Variants in KDM3B observed in about 807,000 individuals in gnomAD.
KDM3B encodes the protein lysine demethylase 3B.
A neutral mutation model predicts 170.0 loss-of-function variants in KDM3B; 10 were observed. The observed-to-expected ratio is 0.06, with a 90% confidence interval of 0.04 to 0.10. The LOEUF is 0.10. Ranked by LOEUF, KDM3B falls within the 10% of genes least tolerant of loss-of-function variation. The probability of loss-of-function intolerance (pLI) is 1.00; values close to 1 mark genes in which losing one functional copy is unlikely to be tolerated. For synonymous variants in KDM3B, 831 were observed against 834.8 expected, an observed-to-expected ratio of 1.00 and a Z score of 0.08; for missense variants, 1,394 against 2,195.2, an observed-to-expected ratio of 0.64 and a Z score of 7.29.
intron 14 of KDM3B, 22 bp downstream of exon 14, chr5:138,419,254 G>A (rs367666162): frequency 1.0e-5 from 16 of 1,605,908 alleles, no homozygotes; most frequent in South Asian, 5.5e-5. Flanking sequence ...ACAAACCTCT[G>A]CTCTGCCTAT....
intron 2 of KDM3B, among the ~76,000 whole-genome samples, chr5:138,374,045 G>T (rs1028206262): frequency 6.6e-5 from 10 of 152,198 alleles, no homozygotes; most frequent in African/African-American, 2.4e-4. Flanking sequence ...CCAGGCTGGA[G>T]TGCAGTGGCA....
In KDM3B at chr5:138,417,492, A is replaced by G. The variant is rs762314650; in HGVS notation, c.3317A>G (p.Asn1106Ser). The G allele has an allele frequency of 6.2e-6, 10 of 1,613,996 alleles. No homozygotes were observed. Among genetic ancestry groups the G allele is most frequent in the South Asian group, 1.1e-5 (1 of 91,084 alleles). ...TACATTTTTTTCCCAGCTCTTTACAATATTGGAGACATGGTACATGCTGCC... is the reference window on the plus strand; with the variant it reads ...TACATTTTTTTCCCAGCTCTTTACAGTATTGGAGACATGGTACATGCTGCC... ...TQIIPGTALY[N>S]IGDMVHAARG... Residue 1106 changes from asparagine (N) to serine (S), a missense_variant, in exon 13 of 24, where the codon AAT (asparagine) becomes AGT (serine). This residue lies in a region of KDM3B where 44 missense variants were observed against 71.1 expected (regional missense o/e 0.62). Coordinates refer to ENST00000314358, the MANE Select transcript of KDM3B (RefSeq NM_016604.4).
intron 11 of KDM3B, among the ~76,000 whole-genome samples, chr5:138,405,587 T>A (rs1162138082): frequency 6.6e-6 from 1 of 151,744 alleles, no homozygotes; most frequent in African/African-American, 2.4e-5. Context: ...CACCAGCAGA[T>A]CCACACGATA....
chr5:138,377,700 T>A lies in KDM3B; in HGVS notation c.475-20T>A. 2 of 1,554,978 alleles carry A rather than the reference T, an allele frequency of 1.3e-6. No homozygotes were observed. Among genetic ancestry groups the A allele is most frequent in the Non-Finnish European group, 1.8e-6 (2 of 1,127,570 alleles). On this transcript the variant is annotated intron_variant, in intron 3 of 23. Coordinates refer to ENST00000314358, the MANE Select transcript of KDM3B (RefSeq NM_016604.4). ...TATTCATTTTAACATTCAGTTGTTT[T>A]CTTCTTTTATCTTTACCAGATGGGA...
In KDM3B at chr5:138,357,786, A is replaced by C. The variant is rs1407195338; in HGVS notation, c.192+4799A>C. Among the ~76,000 whole-genome samples, 77 of 148,708 alleles carry C rather than the reference A, an allele frequency of 5.2e-4. 1 individual carries two copies. The highest frequency in any genetic ancestry group is 8.7e-4 in the Admixed American group (13 of 14,984). ...CCAGGCTGGAGTGCAGTGGCGCGAT[A>C]TTGGCTCACTGCAACCTCTGCTTCC... On this transcript the variant is annotated intron_variant, in intron 1 of 23. Transcript: ENST00000314358.
Position 138,415,084 on chromosome 5 carries a change from T to C in KDM3B, c.3200-48T>C, listed in dbSNP as rs781635276. 3.9e-6 allele frequency: 5 copies of C among 1,296,648 alleles called. No homozygotes were observed. The South Asian group carries it at 6.7e-5, about 17-fold the overall frequency. 80.3% of individuals were successfully genotyped at this position (1,296,648 alleles called of 1,614,324 possible). A position where few individuals can be genotyped will look rare whatever the true frequency, so the allele number is the denominator to read the frequency against. On this transcript the variant is annotated intron_variant, in intron 11 of 23. Coordinates refer to ENST00000314358, the MANE Select transcript of KDM3B (RefSeq NM_016604.4). Reference sequence around the variant, plus strand: ...CTGAAACTCCATTCACTGAGAAGGATCCATTTTTGTGACCCTTATAAAATA... The same window carrying C: ...CTGAAACTCCATTCACTGAGAAGGACCCATTTTTGTGACCCTTATAAAATA...
intron 12 of KDM3B, among the ~76,000 whole-genome samples, chr5:138,417,126 T>A (rs1322996616): frequency 2.6e-5 from 4 of 152,214 alleles, no homozygotes; most frequent in African/African-American, 9.6e-5. Flanking sequence ...TGGCCAATAT[T>A]TATACTCTTG....
At chr5:138,416,648 C>T (rs1488325749) in intron 12 of KDM3B, among the ~76,000 whole-genome samples, 1 of 151,274 alleles carries the variant, frequency 6.6e-6, no homozygotes, top group Non-Finnish European at 1.5e-5. Flanking sequence ...CTGGAGCATC[C>T]CCTGGATCCC....
intron 17 of KDM3B, 42 bp from the exon 18 acceptor site, chr5:138,426,933 C>A: frequency 6.7e-7 from 1 of 1,485,922 alleles, no homozygotes; most frequent in Non-Finnish European, 9.4e-7. Flanking sequence ...CGGACACCAG[C>A]CAAACCAGCA....
intron 11 of KDM3B, among the ~76,000 whole-genome samples, chr5:138,407,718 C>G: frequency 6.6e-6 from 1 of 152,164 alleles, no homozygotes; most frequent in East Asian, 1.9e-4. Context: ...GCAGACAGAA[C>G]CACACATGGA....
At chr5:138,361,007 A>C (rs1761594419) in intron 1 of KDM3B, among the ~76,000 whole-genome samples, 1 of 151,974 alleles carries the variant, frequency 6.6e-6, no homozygotes, top group South Asian at 2.1e-4. Context: ...CTTGTAGTTT[A>C]TTTATTTAGT....
At chr5:138,426,907 A>C in intron 17 of KDM3B, 68 bp from the exon 18 acceptor site, 2 of 1,138,006 alleles carry the variant, frequency 1.8e-6, no homozygotes, top group Admixed American at 3.6e-5. Flanking sequence ...GTCTCCCAAA[A>C]GTTACTGTTG....
chr5:138,406,543 A>T (rs1380747686), intron 11 of KDM3B, among the ~76,000 whole-genome samples: 4 of 152,176 alleles, frequency 2.6e-5, no homozygotes, highest in African/African-American at 9.7e-5. Context: ...GCTACTCAGG[A>T]GGCTGAGGCA....
At chr5:138,403,330 G>T (rs1320006457) in intron 11 of KDM3B, among the ~76,000 whole-genome samples, 3 of 151,820 alleles carry the variant, frequency 2.0e-5, no homozygotes, top group Admixed American at 2.0e-4. Flanking sequence ...GTAAGCTGAG[G>T]AGGGATAATC....
intron 11 of KDM3B, among the ~76,000 whole-genome samples, chr5:138,404,033 A>G (rs80266192): frequency 2.6e-5 from 4 of 152,104 alleles, no homozygotes; most frequent in Non-Finnish European, 5.9e-5. Flanking sequence ...GAAAAAAAAA[A>G]GACTAAACTT....
intron 1 of KDM3B, among the ~76,000 whole-genome samples, chr5:138,356,904 A>C (rs977725970): frequency 2.0e-5 from 3 of 152,112 alleles, no homozygotes; most frequent in Admixed American, 2.0e-4. Flanking sequence ...GCGACCTCCC[A>C]AAGTGCTGGG....
intron 15 of KDM3B, among the ~76,000 whole-genome samples, chr5:138,422,596 C>T (rs973402043): frequency 4.6e-5 from 7 of 152,078 alleles, no homozygotes; most frequent in South Asian, 2.1e-4. Flanking sequence ...GCCAAGATCG[C>T]ACCACCGCAC....
At position 138,391,029 on chromosome 5, in the gene KDM3B, T is replaced by C; in HGVS notation, c.1397T>C (p.Ile466Thr). Residue 466 changes from isoleucine to threonine, a missense_variant, in exon 8 of 24, where the codon ATT (isoleucine) becomes ACT (threonine). Coordinates refer to ENST00000314358, the MANE Select transcript of KDM3B (RefSeq NM_016604.4). The surrounding 1 kb of genome is among the most constrained non-coding windows in gnomAD (Gnocchi z 5.0). ...QASGENSRNSILASSGFGAPL... is the reference protein window; with the variant it reads ...QASGENSRNSTLASSGFGAPL... The stretch of plus-strand genomic sequence containing the variant: ...TCCTTTCAGAATTCAAGAAATTCTA[T>C]TCTGGCCTCTTCTGGATTTGGAGCA... The C allele has an allele frequency of 1.3e-6, 2 of 1,569,688 alleles. No homozygotes were observed. Among genetic ancestry groups the C allele is most frequent in the Non-Finnish European group, 1.7e-6 (2 of 1,158,320 alleles).
At chr5:138,413,457 G>A (rs1179472650) in intron 11 of KDM3B, among the ~76,000 whole-genome samples, 5 of 152,006 alleles carry the variant, frequency 3.3e-5, no homozygotes, top group Non-Finnish European at 4.4e-5. Flanking sequence ...AATATTGCTG[G>A]TAGGAATGCA....
Sources: gnomAD v4.1 joint callset for allele counts (sites outside exome capture counted in the v4.1 genomes callset) on GRCh38, gnomAD v4.1.1 for gene constraint, gnomAD v4.1.1 regional missense constraint, Gnocchi (gnomAD v3.1) non-coding constraint, MANE v1.5 for transcripts, NCBI Gene and HGNC (gene_info 2026-07-23, HGNC 2026-07-21) for gene names.